SPATA7: variants seen among roughly 807,000 people sequenced by gnomAD.
SPATA7 encodes spermatogenesis-associated protein 7.
A neutral mutation model predicts 51.8 loss-of-function variants in SPATA7; 43 were observed. The observed-to-expected ratio is 0.83, with a 90% CI of 0.65 to 1.07. SPATA7 has a LOEUF of 1.07. Ranked by LOEUF, SPATA7 falls within the 50% of genes least tolerant of loss-of-function variation. The pLI, the probability that SPATA7 is intolerant of heterozygous loss-of-function variation, is 0.00. For missense variants in SPATA7, 683 were observed against 701.3 expected, an observed-to-expected ratio of 0.97 and a Z score of 0.30; for synonymous variants, 230 against 252.8, an observed-to-expected ratio of 0.91 and a Z score of 0.86.
chr14:88,418,122 T>C (rs1303613028), intron 5 of SPATA7, among the ~76,000 whole-genome samples: 1 of 151,944 alleles, frequency 6.6e-6, no homozygotes, highest in Non-Finnish European at 1.5e-5. Context: ...ATTCCTAAGG[T>C]AGTTTATTTG....
At chr14:88,398,919 G>A (rs2075977259) in intron 4 of SPATA7, among the ~76,000 whole-genome samples, 1 of 151,882 alleles carries the variant, frequency 6.6e-6, no homozygotes, top group Non-Finnish European at 1.5e-5. Context: ...GGGCATGGTG[G>A]CAGGCGCCTG....
chr14:88,423,155 C>T (rs2076691583), intron 5 of SPATA7, among the ~76,000 whole-genome samples: 1 of 152,074 alleles, frequency 6.6e-6, no homozygotes, highest in African/African-American at 2.4e-5. Context: ...TCAATGCTCC[C>T]ATACTACTCG....
At chr14:88,421,947 C>CAA (rs767269848) in intron 5 of SPATA7, among the ~76,000 whole-genome samples, 5 of 77,022 alleles carry the variant, frequency 6.5e-5, no homozygotes, top group Admixed American at 1.5e-4. Context: ...GACTCCATCT[C>CAA]AAAAAAAAAA....
chr14:88,404,109 G>C (rs549907803), intron 4 of SPATA7, among the ~76,000 whole-genome samples: 1 of 152,148 alleles, frequency 6.6e-6, no homozygotes, highest in South Asian at 2.1e-4. Flanking sequence ...ATCTGGTCAT[G>C]ACTGGAAAGA....
intron 5 of SPATA7, among the ~76,000 whole-genome samples, chr14:88,424,575 C>CTA (rs1383775352): frequency 5.9e-5 from 9 of 152,080 alleles, no homozygotes; most frequent in South Asian, 4.1e-4. Context: ...TTGTGCTGTT[C>CTA]TTCTAAGTGT....
At chr14:88,440,963 T>C (rs375622060), downstream of SPATA7, among the ~76,000 whole-genome samples, 4 of 152,116 alleles carry the variant, frequency 2.6e-5, no homozygotes, top group Admixed American at 1.3e-4. Flanking sequence ...GTGTAGTCTT[T>C]TATCCCTCAC....
chr14:88,387,726 A>G (rs1173553302), intron 1 of SPATA7, among the ~76,000 whole-genome samples: 1 of 152,192 alleles, frequency 6.6e-6, no homozygotes, highest in Non-Finnish European at 1.5e-5. Flanking sequence ...CTAACTAGGT[A>G]ATCTTCAGCA....
At chr14:88,444,283 T>G (rs2077197178) in intron 3 of SPATA7, among the ~76,000 whole-genome samples, 1 of 152,210 alleles carries the variant, frequency 6.6e-6, no homozygotes, top group Non-Finnish European at 1.5e-5. Context: ...AAATGTCTTC[T>G]TTTGAGAAGT....
chr14:88,461,431 G>A (rs997437654), intron 4 of SPATA7, among the ~76,000 whole-genome samples: 10 of 152,092 alleles, frequency 6.6e-5, no homozygotes, highest in Non-Finnish European at 1.2e-4. Flanking sequence ...CCCCAGCCTC[G>A]CTGCCATCTT....
At chr14:88,419,790 G>T (rs2076589407) in intron 5 of SPATA7, among the ~76,000 whole-genome samples, 1 of 152,038 alleles carries the variant, frequency 6.6e-6, no homozygotes, top group African/African-American at 2.4e-5. Flanking sequence ...CTCCCAAAGT[G>T]CTGTGATAAT....
At chr14:88,456,611 A>T (rs1330379713), downstream of SPATA7, among the ~76,000 whole-genome samples, 3 of 146,796 alleles carry the variant, frequency 2.0e-5, no homozygotes, top group Non-Finnish European at 4.4e-5. Context: ...TTCTTTGTAG[A>T]TTCTGGATAT....
chr14:88,454,018 A>G (rs1187727596), intron 3 of SPATA7, among the ~76,000 whole-genome samples: 3 of 152,200 alleles, frequency 2.0e-5, no homozygotes, highest in Admixed American at 2.0e-4. Flanking sequence ...CATATCACCT[A>G]GTTTTTCCAA....
intron 4 of SPATA7, among the ~76,000 whole-genome samples, chr14:88,405,318 A>G (rs2076173719): frequency 6.6e-6 from 1 of 152,362 alleles, no homozygotes; most frequent in South Asian, 2.1e-4. Context: ...TTCACTCTGA[A>G]TGAAATTGCA....
chr14:88,416,856 T>C lies in SPATA7; in HGVS notation c.372+12T>C. 7 of 1,563,922 alleles carry C rather than the reference T, an allele frequency of 4.5e-6. No homozygotes were observed. The highest frequency in any genetic ancestry group is 6.2e-6 in the Non-Finnish European group (7 of 1,137,674). ...ATACCTTACAAAAGGTAAGATAGTA[T>C]TTTTATTTTTTAAAAGCAAATGTTT... On this transcript the variant is annotated intron_variant, in intron 5 of 11. Coordinates refer to ENST00000393545, the MANE Select transcript of SPATA7 (RefSeq NM_018418.5).
At chr14:88,457,850 A>G (rs1202803909), downstream of SPATA7, among the ~76,000 whole-genome samples, 1 of 151,950 alleles carries the variant, frequency 6.6e-6, no homozygotes. Context: ...TCAGTATGAT[A>G]TTGGCTGTGG....
intron 4 of SPATA7, among the ~76,000 whole-genome samples, chr14:88,399,064 AAAG>A (rs1297381530): frequency 6.6e-6 from 1 of 152,150 alleles, no homozygotes; most frequent in African/African-American, 2.4e-5. Flanking sequence ...AAAAAAAAAA[AAAG>A]AAAAAAAAGT....
At chr14:88,393,324 C>A (rs1250381649) in intron 2 of SPATA7, 69 bp from the exon 3 acceptor site, 1 of 1,021,472 alleles carries the variant, frequency 9.8e-7, no homozygotes, top group African/African-American at 1.6e-5. Flanking sequence ...GTTAAATAAT[C>A]AGTGCCTTGT....
Position 88,426,306 on chromosome 14 carries a change from A to T in SPATA7, c.447A>T (p.Ser149=), listed in dbSNP as rs200315779. Residue 149 remains serine (S), a synonymous_variant, in exon 6 of 12, where the codon TCA becomes TCT. Transcript: ENST00000393545. ...EMNGFSSFAR[S]LVPSSERLHL... ...ATGGATTTTCATCCTTTGCAAGGTCACTAGTACCCTCTTCAGAGAGACTAC... is the reference window on the plus strand; with the variant it reads ...ATGGATTTTCATCCTTTGCAAGGTCTCTAGTACCCTCTTCAGAGAGACTAC... The T allele has an allele frequency of 1.9e-5, 30 of 1,614,160 alleles. No individual in the cohort carries two copies. In the Admixed American group the frequency reaches 4.8e-4, roughly 26 times the overall value.
rs1368974520 is a variant in SPATA7, at chr14:88,469,779, A to C, written c.255-68A>C. On this transcript the variant is annotated intron_variant, in intron 4 of 4. Transcript: ENST00000556406. This position sits in a 1 kb window ranked among gnomAD's most constrained non-coding sequence, Gnocchi z 4.3. ...TAAATGACTCGAGATCCGGCAATGG[A>C]TGCCTTTCTCACATAGACGGCACAT... The C allele has an allele frequency of 6.2e-7, 1 of 1,605,090 alleles. No homozygotes were observed. Among genetic ancestry groups the C allele is most frequent in the South Asian group, 1.1e-5 (1 of 90,852 alleles).
Sources: gnomAD v4.1 joint callset for allele counts (sites outside exome capture counted in the v4.1 genomes callset) on GRCh38, gnomAD v4.1.1 for gene constraint, Gnocchi (gnomAD v3.1) non-coding constraint, MANE v1.5 for transcripts, NCBI Gene and HGNC (gene_info 2026-07-23, HGNC 2026-07-21) for gene names.